Variants in CCDC38 observed in about 807,000 individuals in gnomAD.
CCDC38 encodes the protein coiled-coil domain containing 38, also known as coiled-coil domain-containing protein 38.
CCDC38 carries 69 observed loss-of-function variants against 72.8 expected under a neutral mutation model. The ratio of observed to expected loss-of-function variants is 0.95; its 90% CI spans 0.78 to 1.16. The LOEUF is 1.16. CCDC38 is among the 50% of genes most tolerant of loss of function. The probability of loss-of-function intolerance (pLI) is 0.00; values close to 1 mark genes in which losing one functional copy is unlikely to be tolerated. For missense variants in CCDC38, 626 were observed against 638.9 expected (o/e 0.98, Z 0.22); for synonymous variants, 201 against 213.2 (o/e 0.94, Z 0.50).
At chr12:95,901,112 G>A (rs1161785066) in intron 5 of CCDC38, among the ~76,000 whole-genome samples, 1 of 152,208 alleles carries the variant, frequency 6.6e-6, no homozygotes, top group Non-Finnish European at 1.5e-5. Flanking sequence ...AGATGTTGGT[G>A]GCTTGGACTG....
intron 4 of CCDC38, among the ~76,000 whole-genome samples, chr12:95,907,483 C>T (rs534630696): frequency 3.2e-5 from 3 of 92,492 alleles, no homozygotes; most frequent in South Asian, 8.2e-4. Flanking sequence ...CCGGATGGGG[C>T]GGCTGGCCGG....
chr12:95,930,914 C>A (rs2080330523), intron 2 of CCDC38, among the ~76,000 whole-genome samples: 1 of 152,146 alleles, frequency 6.6e-6, no homozygotes, highest in African/African-American at 2.4e-5. Context: ...TAGATCTCTT[C>A]CTTTTGTTAC....
intron 7 of CCDC38, among the ~76,000 whole-genome samples, chr12:95,895,489 C>A (rs2079876771): frequency 6.6e-6 from 1 of 152,116 alleles, no homozygotes; most frequent in South Asian, 2.1e-4. Flanking sequence ...CAGTGGCTCA[C>A]ACGTGTAATC....
chr12:95,911,039 TAGAC>T (rs929944880), intron 4 of CCDC38, among the ~76,000 whole-genome samples: 7 of 151,860 alleles, frequency 4.6e-5, no homozygotes, highest in African/African-American at 7.3e-5. Context: ...GGTACAAAAA[TAGAC>T]AGACCAATGG....
At chr12:95,911,819 G>T (rs181773834) in intron 4 of CCDC38, among the ~76,000 whole-genome samples, 1 of 152,222 alleles carries the variant, frequency 6.6e-6, no homozygotes, top group Admixed American at 6.5e-5. Context: ...GTTTTTCAAA[G>T]AACTAAAAAT....
rs180842521 is a variant in CCDC38, at chr12:95,898,856, G to A, written c.370-125C>T. ...TAGTACGCCTAAATCTTGGAGCAAT[G>A]GACTTTATTTCTTGAAGGAGTTTTA... On this transcript the variant is annotated intron_variant, in intron 5 of 15. Coordinates refer to ENST00000344280, the MANE Select transcript of CCDC38 (RefSeq NM_182496.3). 3.3e-4 allele frequency: 312 copies of A among 947,182 alleles called. 3 individuals carry two copies. The Admixed American group carries it at 7.6e-3, about 23-fold the overall frequency. 58.7% of individuals were successfully genotyped at this position (947,182 alleles called of 1,614,324 possible).
intron 4 of CCDC38, among the ~76,000 whole-genome samples, chr12:95,914,603 C>T (rs1045300872): frequency 6.6e-6 from 1 of 152,228 alleles, no homozygotes; most frequent in Non-Finnish European, 1.5e-5. Context: ...AAACCACCAT[C>T]ACCCCTAACA....
chr12:95,884,841 T>C (rs2079739234), intron 10 of CCDC38, among the ~76,000 whole-genome samples: 1 of 152,230 alleles, frequency 6.6e-6, no homozygotes, highest in South Asian at 2.1e-4. Context: ...CTTACTTTGA[T>C]TAAGTCTGCA....
At position 95,898,476 on chromosome 12, in the gene CCDC38, A is replaced by G; in HGVS notation, c.534-11T>C. On this transcript the variant is annotated splice_polypyrimidine_tract_variant and intron_variant, in intron 6 of 15. Coordinates refer to ENST00000344280, the MANE Select transcript of CCDC38 (RefSeq NM_182496.3). ...GTTTCCTGTGCTGCCCTGAAAAGCA[A>G]TGAAGATCTGTTAATTTGCTTCTTA... 6.2e-7 allele frequency: 1 copy of G among 1,614,054 alleles called. No homozygotes were observed.
intron 1 of CCDC38, among the ~76,000 whole-genome samples, chr12:95,939,366 A>G (rs901729181): frequency 6.6e-6 from 1 of 152,190 alleles, no homozygotes; most frequent in Non-Finnish European, 1.5e-5. Context: ...GGAACCATTC[A>G]ATGAATCACT....
chr12:95,940,430 G>A (rs2080436389), intron 1 of CCDC38, among the ~76,000 whole-genome samples: 2 of 150,570 alleles, frequency 1.3e-5, no homozygotes, highest in South Asian at 4.1e-4. Flanking sequence ...ATTCGAATCA[G>A]TTTATTTGTT....
intron 2 of CCDC38, among the ~76,000 whole-genome samples, chr12:95,926,037 A>G (rs2080266923): frequency 7.1e-6 from 1 of 139,964 alleles, no homozygotes; most frequent in Non-Finnish European, 1.5e-5. Context: ...CTTTGGTATC[A>G]GGATGATGCT....
chr12:95,902,266 G>T (rs2079958012), intron 5 of CCDC38, among the ~76,000 whole-genome samples: 1 of 152,064 alleles, frequency 6.6e-6, no homozygotes, highest in African/African-American at 2.4e-5. Context: ...AATCTGTTAA[G>T]TTTTGACATA....
chr12:95,904,601 A>G (rs1382896807), intron 5 of CCDC38, among the ~76,000 whole-genome samples: 1 of 152,236 alleles, frequency 6.6e-6, no homozygotes, highest in Non-Finnish European at 1.5e-5. Context: ...CTGCATCTAC[A>G]TGTGACAACG....
chr12:95,869,985 G>A (rs11108312), intron 14 of CCDC38, among the ~76,000 whole-genome samples: 33,423 of 151,784 alleles, frequency 0.22, 4,244 homozygotes, highest in African/African-American at 0.36. Context: ...CACCACACCC[G>A]GCTAATTTTT....
At chr12:95,910,855 C>T (rs2080086007) in intron 4 of CCDC38, among the ~76,000 whole-genome samples, 2 of 152,134 alleles carry the variant, frequency 1.3e-5, no homozygotes, top group Non-Finnish European at 2.9e-5. Flanking sequence ...CAGAGTAAGA[C>T]ACTGTCTCTA....
At chr12:95,887,777 C>T (rs1464695166) in intron 10 of CCDC38, among the ~76,000 whole-genome samples, 3 of 152,216 alleles carry the variant, frequency 2.0e-5, no homozygotes, top group African/African-American at 7.2e-5. Context: ...TCTCTCTGTA[C>T]TATTTCTTAC....
At chr12:95,871,855 G>A (rs527630361) in intron 14 of CCDC38, among the ~76,000 whole-genome samples, 15 of 152,122 alleles carry the variant, frequency 9.9e-5, no homozygotes, top group African/African-American at 3.1e-4. Flanking sequence ...TATATCTTGG[G>A]TCCTTCACCA....
intron 2 of CCDC38, among the ~76,000 whole-genome samples, chr12:95,925,895 T>A (rs1221677814): frequency 7.2e-6 from 1 of 139,730 alleles, no homozygotes; most frequent in East Asian, 2.2e-4. Flanking sequence ...TGAAGCCCAC[T>A]TGATCACGGT....
Sources: gnomAD v4.1 joint callset for allele counts (sites outside exome capture counted in the v4.1 genomes callset) on GRCh38, gnomAD v4.1.1 for gene constraint, MANE v1.5 for transcripts, NCBI Gene and HGNC (gene_info 2026-07-23, HGNC 2026-07-21) for gene names.